CHCHD6: variants seen among roughly 807,000 people sequenced by gnomAD.
The protein encoded by CHCHD6 is coiled-coil-helix-coiled-coil-helix domain containing 6.
Under a neutral mutation model 32.3 loss-of-function variants are expected in CHCHD6, and 28 were observed. That is an observed-to-expected ratio of 0.87 (90% CI 0.64 to 1.19). The LOEUF is 1.19. Ranked by LOEUF, CHCHD6 falls within the 50% of genes most tolerant of loss-of-function variation. The pLI, the probability that CHCHD6 is intolerant of heterozygous loss-of-function variation, is 0.00. For missense variants in CHCHD6, 333 were observed against 307.0 expected (o/e 1.08, Z -0.63); for synonymous variants, 122 against 117.5 (o/e 1.04, Z -0.25).
intron 6 of CHCHD6, among the ~76,000 whole-genome samples, chr3:126,954,557 C>G (rs2078758154): frequency 6.6e-6 from 1 of 152,236 alleles, no homozygotes; most frequent in Non-Finnish European, 1.5e-5. Flanking sequence ...ATCAGTAAGC[C>G]TCACAGAGTT....
intron 5 of CHCHD6, among the ~76,000 whole-genome samples, chr3:126,872,251 C>T (rs1244173806): frequency 6.6e-6 from 1 of 152,094 alleles, no homozygotes; most frequent in Non-Finnish European, 1.5e-5. Context: ...AAAATGTTGA[C>T]AGTGCCAGGT....
At chr3:126,939,482 G>A (rs1165618372) in intron 6 of CHCHD6, among the ~76,000 whole-genome samples, 1 of 152,194 alleles carries the variant, frequency 6.6e-6, no homozygotes, top group African/African-American at 2.4e-5. Context: ...TTTAGCCTGT[G>A]TGTGTTTGTG....
chr3:126,874,030 G>A (rs991160251), intron 5 of CHCHD6, among the ~76,000 whole-genome samples: 12 of 152,300 alleles, frequency 7.9e-5, no homozygotes, highest in East Asian at 5.8e-4. Flanking sequence ...CCCCTGCCCC[G>A]CAGAACCCAG....
At chr3:126,780,275 C>T in intron 4 of CHCHD6, 1 of 401,818 alleles carries the variant, frequency 2.5e-6, no homozygotes, top group South Asian at 1.9e-5. Flanking sequence ...GGGAGGGTTT[C>T]TCCCACCTTT....
chr3:126,807,886 A>G (rs1939479684), intron 4 of CHCHD6, among the ~76,000 whole-genome samples: 1 of 152,222 alleles, frequency 6.6e-6, no homozygotes, highest in Admixed American at 6.5e-5. Context: ...GCAGTGACCC[A>G]TCTTTGCCAT....
At position 126,854,559 on chromosome 3, in the gene CHCHD6, T is replaced by C. The variant is rs964900524; in HGVS notation, c.495+1829T>C. 5.3e-5 allele frequency among the ~76,000 whole-genome samples: 8 copies of C among 152,324 alleles called. No individual in the cohort carries two copies. In the East Asian group the frequency reaches 9.6e-4, roughly 18 times the overall value. ...GGCTGGGAAGATGGAAAACACAGCA[T>C]CTGACAATCTTTTTTTATTAGCTGT... On this transcript the variant is annotated intron_variant, in intron 5 of 7. Transcript: ENST00000290913.
chr3:126,954,164 A>G lies in CHCHD6; in HGVS notation c.567-3252A>G, dbSNP rs146160765. ...TCCTCATATTGTTCTGATAAGTCCC[A>G]GGAGAGAGAGGCTGTCATGGTCCCA... On this transcript the variant is annotated intron_variant, in intron 6 of 7. Transcript: ENST00000290913. Among the ~76,000 whole-genome samples the G allele has an allele frequency of 7.1e-3, 1,085 of 152,266 alleles. 11 individuals carry two copies. The highest frequency in any genetic ancestry group is 0.025 in the African/African-American group (1,032 of 41,556).
intron 5 of CHCHD6, among the ~76,000 whole-genome samples, chr3:126,887,364 A>T (rs2077692897): frequency 6.6e-6 from 1 of 151,944 alleles, no homozygotes; most frequent in Admixed American, 6.6e-5. Flanking sequence ...GCTAACTTTC[A>T]TTGTCATGAT....
intron 2 of CHCHD6, among the ~76,000 whole-genome samples, chr3:126,729,197 G>A (rs1935671255): frequency 6.6e-6 from 1 of 152,096 alleles, no homozygotes; most frequent in Admixed American, 6.5e-5. Context: ...TAACAGGAAT[G>A]GATAAGTTAG....
chr3:126,848,505 A>G (rs115200019), intron 4 of CHCHD6, among the ~76,000 whole-genome samples: 2,747 of 152,340 alleles, frequency 0.018, 31 homozygotes, highest in Middle Eastern at 0.051. Context: ...TTGTAATGCT[A>G]GCTGGATATC....
chr3:126,716,824 G>T (rs112657008), intron 1 of CHCHD6, among the ~76,000 whole-genome samples: 13 of 152,226 alleles, frequency 8.5e-5, no homozygotes, highest in Admixed American at 7.2e-4. Flanking sequence ...GGGTTGATAG[G>T]GGGGCTGGTT....
chr3:126,933,990 T>C (rs746898233), intron 6 of CHCHD6, among the ~76,000 whole-genome samples: 36 of 152,184 alleles, frequency 2.4e-4, no homozygotes, highest in South Asian at 4.1e-4. Context: ...AGCTTGCCCG[T>C]TCTGTGTTGG....
intron 1 of CHCHD6, among the ~76,000 whole-genome samples, chr3:126,723,683 G>A (rs1935411799): frequency 6.6e-6 from 1 of 152,114 alleles, no homozygotes; most frequent in Non-Finnish European, 1.5e-5. Context: ...AATTTTCTCA[G>A]TCAGTTCTCT....
chr3:126,903,858 T>C (rs1452809919), intron 5 of CHCHD6, among the ~76,000 whole-genome samples: 2 of 152,202 alleles, frequency 1.3e-5, no homozygotes, highest in Non-Finnish European at 2.9e-5. Flanking sequence ...TTGCAGCCAT[T>C]TGAAGCTCTC....
At chr3:126,862,316 C>A (rs1941941392) in intron 5 of CHCHD6, among the ~76,000 whole-genome samples, 1 of 138,528 alleles carries the variant, frequency 7.2e-6, no homozygotes, top group Admixed American at 7.1e-5. Context: ...ACCATCATCA[C>A]CTCCTCCTCC....
At chr3:126,752,960 A>G (rs1030464827) in intron 4 of CHCHD6, among the ~76,000 whole-genome samples, 9 of 152,104 alleles carry the variant, frequency 5.9e-5, no homozygotes, top group Admixed American at 4.6e-4. Flanking sequence ...ATTGTTTGTC[A>G]TTGCCAGGTA....
intron 4 of CHCHD6, among the ~76,000 whole-genome samples, chr3:126,830,841 G>A (rs972852817): frequency 1.3e-5 from 2 of 152,084 alleles, no homozygotes; most frequent in Non-Finnish European, 2.9e-5. Context: ...GGATGTTTGG[G>A]GTCCTGTGGG....
At chr3:126,705,181 C>T (rs1934419608) in intron 1 of CHCHD6, among the ~76,000 whole-genome samples, 1 of 152,188 alleles carries the variant, frequency 6.6e-6, no homozygotes, top group African/African-American at 2.4e-5. Flanking sequence ...GAATCCTTCC[C>T]TGACCACCCA....
chr3:126,852,038 A>G (rs1296559947), intron 4 of CHCHD6, among the ~76,000 whole-genome samples: 4 of 152,190 alleles, frequency 2.6e-5, no homozygotes, highest in Non-Finnish European at 5.9e-5. Flanking sequence ...CATCCCCATC[A>G]GGCGGGTGAG....
Sources: allele counts gnomAD v4.1 joint callset (sites outside exome capture counted in the v4.1 genomes callset), GRCh38; gene constraint gnomAD v4.1.1; transcripts MANE v1.5; gene names NCBI Gene and HGNC (gene_info 2026-07-23, HGNC 2026-07-21).